The following FARS2 variants were observed in gnomAD, a reference collection of about 807,000 sequenced individuals.
The protein encoded by FARS2 is phenylalanyl-tRNA synthetase 2, mitochondrial, also known as phenylalanine--tRNA ligase, mitochondrial.
Under a neutral mutation model 46.4 loss-of-function variants are expected in FARS2, and 40 were observed. The observed-to-expected ratio is 0.86, with a 90% confidence interval of 0.67 to 1.12. FARS2 has a LOEUF of 1.12. Ranked by LOEUF, FARS2 falls within the 50% of genes most tolerant of loss-of-function variation. The pLI, the probability that FARS2 is intolerant of heterozygous loss-of-function variation, is 0.00. For missense variants in FARS2, 513 were observed against 567.9 expected (o/e 0.90, Z 0.98); for synonymous variants, 234 against 214.9 (o/e 1.09, Z -0.78).
intron 5 of FARS2, among the ~76,000 whole-genome samples, chr6:5,557,886 T>C (rs913360324): frequency 2.0e-5 from 3 of 152,154 alleles, no homozygotes; most frequent in Non-Finnish European, 2.9e-5. Flanking sequence ...GGAACACTTT[T>C]TTCGGTTTGA....
At chr6:5,341,461 C>G (rs1330822896) in intron 1 of FARS2, among the ~76,000 whole-genome samples, 1 of 150,074 alleles carries the variant, frequency 6.7e-6, no homozygotes, top group Non-Finnish European at 1.5e-5. Flanking sequence ...ATTTCTGTTT[C>G]CCTACTTGGG....
At chr6:5,508,632 G>A (rs1442198732) in intron 4 of FARS2, among the ~76,000 whole-genome samples, 1 of 152,224 alleles carries the variant, frequency 6.6e-6, no homozygotes, top group Non-Finnish European at 1.5e-5. Flanking sequence ...GTACAGGACA[G>A]AAGTGAGACC....
intron 5 of FARS2, among the ~76,000 whole-genome samples, chr6:5,575,250 C>T (rs1313963999): frequency 6.6e-6 from 1 of 152,218 alleles, no homozygotes; most frequent in Non-Finnish European, 1.5e-5. Context: ...AGACCATAGA[C>T]CATCACCTTG....
intron 1 of FARS2, among the ~76,000 whole-genome samples, chr6:5,309,625 T>C (rs1445877871): frequency 3.3e-5 from 5 of 152,144 alleles, no homozygotes; most frequent in African/African-American, 9.7e-5. Flanking sequence ...ATAAAATACC[T>C]GTGGATAAAT....
chr6:5,721,487 C>T (rs1423668393), intron 6 of FARS2, among the ~76,000 whole-genome samples: 1 of 151,154 alleles, frequency 6.6e-6, no homozygotes, highest in Admixed American at 6.6e-5. Flanking sequence ...ACATTGAAAT[C>T]GATTAGTCTA....
chr6:5,709,697 T>TGC (rs1554127953), intron 6 of FARS2, among the ~76,000 whole-genome samples: 4 of 91,502 alleles, frequency 4.4e-5, no homozygotes, highest in Admixed American at 9.5e-5. Flanking sequence ...TGTGTGTGTG[T>TGC]GCGCATGCAC....
chr6:5,340,841 A>G (rs1440621006), intron 1 of FARS2, among the ~76,000 whole-genome samples: 1 of 151,912 alleles, frequency 6.6e-6, no homozygotes, highest in Non-Finnish European at 1.5e-5. Flanking sequence ...TTGACAGGGA[A>G]TAGAAGACAC....
Position 5,613,230 on chromosome 6 carries a change from A to G in FARS2, c.1127A>G (p.Tyr376Cys). The change falls in exon 6 of 7, where the codon TAC becomes TGC. Residue 376 changes from tyrosine to cysteine, a missense_variant. Coordinates refer to ENST00000274680, the MANE Select transcript of FARS2 (RefSeq NM_006567.5). ...TCATTCTGGTTGCCCTCTGAGAATT[A>G]CGCAGAAAATGATTTCTATGACTTA... ...DISFWLPSEN[Y>C]AENDFYDLVR... is the part of the protein sequence containing the mutation. The G allele has an allele frequency of 1.2e-6, 2 of 1,613,200 alleles. No homozygotes were observed. The highest frequency in any genetic ancestry group is 1.7e-6 in the Non-Finnish European group (2 of 1,179,298).
At chr6:5,325,717 AT>A (rs1421017094) in intron 1 of FARS2, among the ~76,000 whole-genome samples, 1 of 152,124 alleles carries the variant, frequency 6.6e-6, no homozygotes, top group Non-Finnish European at 1.5e-5. Context: ...ATTTTAAATG[AT>A]TTTTTTCTAT....
rs116116811 is a variant in FARS2, at chr6:5,466,268, C to T, written c.904+35096C>T. Among the ~76,000 whole-genome samples the T allele has an allele frequency of 8.9e-3, 1,348 of 152,212 alleles. 9 individuals are homozygous for T. The highest frequency in any genetic ancestry group is 0.031 in the African/African-American group (1,286 of 41,518). On this transcript the variant is annotated intron_variant, in intron 4 of 6. Coordinates refer to ENST00000274680, the MANE Select transcript of FARS2 (RefSeq NM_006567.5). ...AAGTCTTCACAGATCCTGCCTCTGC[C>T]CCTCCTTTTCCATTCCTATCCCCAA...
At chr6:5,544,370 C>T (rs1217748600) in intron 4 of FARS2, among the ~76,000 whole-genome samples, 1 of 152,190 alleles carries the variant, frequency 6.6e-6, no homozygotes, top group Non-Finnish European at 1.5e-5. Flanking sequence ...CCGAGGCCAT[C>T]TCAGCCTACC....
chr6:5,584,329 T>C (rs1309160408), intron 5 of FARS2, among the ~76,000 whole-genome samples: 3 of 152,158 alleles, frequency 2.0e-5, no homozygotes, highest in Admixed American at 1.3e-4. Context: ...CCTTAAAGAA[T>C]TGGGTAATTT....
chr6:5,723,993 CA>C (rs1470251123), intron 6 of FARS2, among the ~76,000 whole-genome samples: 27 of 130,310 alleles, frequency 2.1e-4, no homozygotes, highest in Non-Finnish European at 4.2e-4. Flanking sequence ...GTCCACCGCA[CA>C]GGGGCTGTCA....
intron 1 of FARS2, among the ~76,000 whole-genome samples, chr6:5,355,705 A>G (rs904781186): frequency 2.6e-5 from 4 of 151,694 alleles, no homozygotes; most frequent in African/African-American, 9.7e-5. Flanking sequence ...TAATATTCAC[A>G]TACACACACA....
At chr6:5,264,148 G>A (rs1221794572) in intron 1 of FARS2, among the ~76,000 whole-genome samples, 1 of 152,202 alleles carries the variant, frequency 6.6e-6, no homozygotes, top group African/African-American at 2.4e-5. Context: ...TTGGGAGGCT[G>A]AGGTGGGAGG....
chr6:5,406,027 G>C lies in FARS2; in HGVS notation c.772+1326G>C, dbSNP rs145543426. Among the ~76,000 whole-genome samples the C allele has an allele frequency of 8.7e-3, 1,327 of 152,098 alleles. 9 individuals carry two copies. The highest frequency in any genetic ancestry group is 0.014 in the Non-Finnish European group (963 of 67,990). ...TCAGTAATGCCACCTTCCCCCTCCAGCTATTTTTAACTTAATTGAGATATA... is the reference window on the plus strand; with the variant it reads ...TCAGTAATGCCACCTTCCCCCTCCACCTATTTTTAACTTAATTGAGATATA... On this transcript the variant is annotated intron_variant, in intron 3 of 6. Coordinates refer to ENST00000274680, the MANE Select transcript of FARS2 (RefSeq NM_006567.5).
At chr6:5,576,343 G>GA (rs1050239129) in intron 5 of FARS2, among the ~76,000 whole-genome samples, 13 of 151,924 alleles carry the variant, frequency 8.6e-5, no homozygotes, top group East Asian at 1.9e-4. Context: ...AAAGCAGGCA[G>GA]AAAAAAATGT....
intron 4 of FARS2, among the ~76,000 whole-genome samples, chr6:5,492,580 T>C (rs1420725792): frequency 6.6e-6 from 1 of 152,264 alleles, no homozygotes; most frequent in Non-Finnish European, 1.5e-5. Flanking sequence ...GTATCTGCTA[T>C]GTATTAAGCA....
At chr6:5,484,471 T>C (rs1307813661) in intron 4 of FARS2, among the ~76,000 whole-genome samples, 1 of 152,228 alleles carries the variant, frequency 6.6e-6, no homozygotes, top group Non-Finnish European at 1.5e-5. Flanking sequence ...ATGTGACTGG[T>C]GAACTTGAGT....
Sources: gnomAD v4.1 joint callset for allele counts (sites outside exome capture counted in the v4.1 genomes callset) on GRCh38, gnomAD v4.1.1 for gene constraint, MANE v1.5 for transcripts, NCBI Gene and HGNC (gene_info 2026-07-23, HGNC 2026-07-21) for gene names.